BCO1: variants seen among roughly 807,000 people sequenced by gnomAD.
The protein encoded by BCO1 is beta,beta-carotene 15,15'-dioxygenase.
A neutral mutation model predicts 56.3 loss-of-function variants in BCO1; 54 were observed. The observed-to-expected ratio is 0.96, with a 90% CI of 0.77 to 1.20. The LOEUF (loss-of-function observed/expected upper bound fraction) is 1.20, where lower values mean the gene tolerates loss of function less well. Ranked by LOEUF, BCO1 falls within the 50% of genes most tolerant of loss-of-function variation. The pLI is 0.00. For synonymous variants in BCO1, 318 were observed against 266.1 expected, an observed-to-expected ratio of 1.20 and a Z score of -1.90; for missense variants, 801 against 690.9, an observed-to-expected ratio of 1.16 and a Z score of -1.79.
At chr16:81,253,862 C>G (rs1026919436) in intron 2 of BCO1, among the ~76,000 whole-genome samples, 1 of 152,236 alleles carries the variant, frequency 6.6e-6, no homozygotes, top group Non-Finnish European at 1.5e-5. Context: ...ACTTGGGAAA[C>G]TGAGGTGGGA....
intron 7 of BCO1, among the ~76,000 whole-genome samples, chr16:81,278,744 A>C (rs552344307): frequency 6.6e-6 from 1 of 152,276 alleles, no homozygotes; most frequent in African/African-American, 2.4e-5. Flanking sequence ...TCTACCAGCA[A>C]TGCTCTTGCT....
intron 1 of BCO1, among the ~76,000 whole-genome samples, chr16:81,245,225 G>C (rs1464844255): frequency 6.6e-6 from 1 of 152,172 alleles, no homozygotes; most frequent in African/African-American, 2.4e-5. Context: ...TTGGGTGTCT[G>C]TTTATTCATC....
intron 2 of BCO1, among the ~76,000 whole-genome samples, chr16:81,247,381 G>A (rs887644475): frequency 1.3e-5 from 2 of 151,984 alleles, no homozygotes; most frequent in African/African-American, 4.8e-5. Context: ...AATCACCATT[G>A]ACCAGGCACA....
chr16:81,285,888 A>G (rs1448768672), intron 9 of BCO1, among the ~76,000 whole-genome samples: 1 of 152,172 alleles, frequency 6.6e-6, no homozygotes, highest in Non-Finnish European at 1.5e-5. Flanking sequence ...ATGAGCACCA[A>G]TTATGGGCTA....
intron 1 of BCO1, among the ~76,000 whole-genome samples, chr16:81,239,340 C>T (rs1351898635): frequency 6.6e-6 from 1 of 152,076 alleles, no homozygotes; most frequent in Non-Finnish European, 1.5e-5. Context: ...TAGATGGACA[C>T]TATTTTTTCC....
At chr16:81,252,840 G>A (rs933835281) in intron 2 of BCO1, among the ~76,000 whole-genome samples, 15 of 152,154 alleles carry the variant, frequency 9.9e-5, no homozygotes, top group African/African-American at 2.2e-4. Flanking sequence ...GAGTCAATGC[G>A]CAGGACCCCT....
chr16:81,239,015 T>G lies in BCO1; in HGVS notation c.64+43T>G, dbSNP rs1411459963. Reference sequence around the variant, plus strand: ...CACTGGGCTCTTTCTTCTATTTATTTTATTATTTTTTTTTTTTTTGAGGCG... The same window carrying G: ...CACTGGGCTCTTTCTTCTATTTATTGTATTATTTTTTTTTTTTTTGAGGCG... On this transcript the variant is annotated intron_variant, in intron 1 of 10. Transcript: ENST00000258168. The G allele has an allele frequency of 2.0e-6, 3 of 1,530,868 alleles. No individual in the cohort carries two copies. The African/African-American group carries it at 4.7e-5, about 24-fold the overall frequency. 94.8% of individuals were successfully genotyped at this position (1,530,868 alleles called of 1,614,324 possible). A position where few individuals can be genotyped will look rare whatever the true frequency, so the allele number is the denominator to read the frequency against.
chr16:81,271,231 C>T (rs1263588359), intron 7 of BCO1, among the ~76,000 whole-genome samples: 1 of 151,984 alleles, frequency 6.6e-6, no homozygotes, highest in African/African-American at 2.4e-5. Context: ...TCTCCTGCCT[C>T]GGCCTCTCAA....
In BCO1 at chr16:81,238,992, C is replaced by G. The variant is rs1042839556; in HGVS notation, c.64+20C>G. ...TGACAGGTGAGCATTCTGATAAACA[C>G]TGGGCTCTTTCTTCTATTTATTTTA... is the stretch of plus-strand genomic sequence containing the variant. On this transcript the variant is annotated intron_variant, in intron 1 of 10. Transcript: ENST00000258168. The G allele has an allele frequency of 6.2e-7, 1 of 1,605,664 alleles. No homozygotes were observed. Among genetic ancestry groups the G allele is most frequent in the African/African-American group, 1.3e-5 (1 of 74,594 alleles).
At chr16:81,278,110 C>T (rs973433001) in intron 7 of BCO1, among the ~76,000 whole-genome samples, 1 of 152,082 alleles carries the variant, frequency 6.6e-6, no homozygotes, top group Non-Finnish European at 1.5e-5. Context: ...GACGCGATCT[C>T]GGCTCATTGC....
At chr16:81,256,473 C>A (rs149940783) in intron 2 of BCO1, among the ~76,000 whole-genome samples, 2 of 152,066 alleles carry the variant, frequency 1.3e-5, no homozygotes, top group Non-Finnish European at 2.9e-5. Flanking sequence ...TACTATACCA[C>A]GAAAATGAAA....
chr16:81,261,651 G>A (rs918041493), intron 3 of BCO1, among the ~76,000 whole-genome samples: 11 of 152,180 alleles, frequency 7.2e-5, no homozygotes, highest in Non-Finnish European at 1.3e-4. Context: ...CTAACTCAAC[G>A]TGGAGGTGTC....
intron 1 of BCO1, among the ~76,000 whole-genome samples, chr16:81,244,101 A>G (rs1905260634): frequency 6.6e-6 from 1 of 152,208 alleles, no homozygotes; most frequent in Non-Finnish European, 1.5e-5. Context: ...ATGTAGGCAA[A>G]GCCTGCCCCA....
At position 81,262,258 on chromosome 16, in the gene BCO1, C is replaced by G; in HGVS notation, c.446C>G (p.Pro149Arg). The change falls in exon 4 of 11, where the codon CCA (proline) becomes CGA (arginine). Residue 149 changes from proline to arginine, a missense_variant. By Grantham distance (103) the Pro-to-Arg change is moderately radical. Transcript: ENST00000258168. ...SETNYIRKIN[P>R]QTLETLEKVD... ...ACCAATTACATCAGGAAAATCAACC[C>G]ACAGACTCTGGAAACCCTGGAGAAG... 6.2e-7 allele frequency: 1 copy of G among 1,613,600 alleles called. No homozygotes were observed. The highest frequency in any genetic ancestry group is 1.1e-5 in the South Asian group (1 of 91,044).
chr16:81,249,764 A>G (rs1905673140), intron 2 of BCO1, among the ~76,000 whole-genome samples: 1 of 152,160 alleles, frequency 6.6e-6, no homozygotes, highest in Non-Finnish European at 1.5e-5. Flanking sequence ...ATTACACCCA[A>G]TGATTTGTTT....
At chr16:81,258,934 TGAAA>T (rs1214628666) in intron 2 of BCO1, among the ~76,000 whole-genome samples, 1 of 151,416 alleles carries the variant, frequency 6.6e-6, no homozygotes, top group Non-Finnish European at 1.5e-5. Context: ...TGTCACATGG[TGAAA>T]GAGAGAGAGA....
chr16:81,249,588 T>TG (rs1379053960), intron 2 of BCO1, among the ~76,000 whole-genome samples: 1 of 151,478 alleles, frequency 6.6e-6, no homozygotes, highest in Non-Finnish European at 1.5e-5. Context: ...TTAGTAGAGA[T>TG]GGGGGTTTCA....
chr16:81,285,041 T>C (rs1567466131), intron 8 of BCO1, among the ~76,000 whole-genome samples: 3 of 151,996 alleles, frequency 2.0e-5, no homozygotes, highest in South Asian at 2.1e-4. Flanking sequence ...GGTTTTGCCA[T>C]GTTGGCCAGG....
At position 81,255,058 on chromosome 16, in the gene BCO1, C is replaced by T. The variant is rs144277813; in HGVS notation, c.194-4618C>T. 3.2e-3 allele frequency among the ~76,000 whole-genome samples: 490 copies of T among 152,350 alleles called. 1 individual carries two copies. Among genetic ancestry groups the T allele is most frequent in the African/African-American group, 0.011 (450 of 41,572 alleles). On this transcript the variant is annotated intron_variant, in intron 2 of 10. Transcript: ENST00000258168. ...TGGGCCTCTCAAACTGCTGGGATTA[C>T]AGGCATGAGCCATTGCACCTGGCCC...
Sources: allele counts gnomAD v4.1 joint callset (sites outside exome capture counted in the v4.1 genomes callset), GRCh38; gene constraint gnomAD v4.1.1; transcripts MANE v1.5; gene names NCBI Gene and HGNC (gene_info 2026-07-23, HGNC 2026-07-21).